Variants in C6orf58 observed in about 807,000 individuals in gnomAD.
C6orf58 encodes chromosome 6 open reading frame 58.
A neutral mutation model predicts 37.0 loss-of-function variants in C6orf58; 30 were observed. The ratio of observed to expected loss-of-function variants is 0.81; its 90% CI spans 0.61 to 1.10. The LOEUF is 1.10. Among genes scored for constraint, C6orf58 ranks in the 50% least tolerant of loss-of-function variants. The pLI, the probability that C6orf58 is intolerant of heterozygous loss-of-function variation, is 0.00. For synonymous variants in C6orf58, 143 were observed against 134.1 expected (o/e 1.07, Z -0.46); for missense variants, 368 against 387.5 (o/e 0.95, Z 0.42).
At chr6:127,579,205 C>G (rs1775022276) in intron 2 of C6orf58, among the ~76,000 whole-genome samples, 4 of 152,096 alleles carry the variant, frequency 2.6e-5, no homozygotes, top group Admixed American at 2.6e-4. Context: ...TACTGCAATT[C>G]ATTATACCAA....
rs1775165677 is a variant in C6orf58 at position 127,591,721 on chromosome 6, C to T, written c.*99C>T. 1.9e-6 allele frequency: 2 copies of T among 1,041,208 alleles called. No individual in the cohort carries two copies. Among genetic ancestry groups the T allele is most frequent in the African/African-American group, 3.3e-5 (2 of 60,002 alleles). 64.5% of individuals were successfully genotyped at this position (1,041,208 alleles called of 1,614,324 possible). The stretch of plus-strand genomic sequence containing the variant: ...TTCAAAAAATTAATGTCATCATGAC[C>T]ATGTAGTTTATTCTTTCTGATATTT... On this transcript the variant is annotated 3_prime_UTR_variant, in exon 6 of 6. Transcript: ENST00000329722.
chr6:127,590,722 T>A (rs1775153714), intron 5 of C6orf58, among the ~76,000 whole-genome samples: 1 of 152,122 alleles, frequency 6.6e-6, no homozygotes, highest in African/African-American at 2.4e-5. Context: ...CTGCCATGAT[T>A]AATGAAATTA....
At chr6:127,590,623 C>T (rs896012000) in intron 5 of C6orf58, among the ~76,000 whole-genome samples, 4 of 151,776 alleles carry the variant, frequency 2.6e-5, no homozygotes, top group Non-Finnish European at 5.9e-5. Context: ...GATATATATT[C>T]CTTATTTTGC....
chr6:127,586,339 G>GGAAAAAT (rs1775106123), intron 4 of C6orf58, among the ~76,000 whole-genome samples: 1 of 152,116 alleles, frequency 6.6e-6, no homozygotes. Flanking sequence ...AAAGGAAAAA[G>GGAAAAAT]GAAAAATAAT....
At chr6:127,588,432 A>G (rs1368019364) in intron 4 of C6orf58, among the ~76,000 whole-genome samples, 1 of 152,194 alleles carries the variant, frequency 6.6e-6, no homozygotes, top group African/African-American at 2.4e-5. Context: ...ATGCTGTGAA[A>G]CAACCCTAAA....
intron 4 of C6orf58, among the ~76,000 whole-genome samples, chr6:127,586,497 C>G (rs1376981281): frequency 6.6e-6 from 1 of 150,596 alleles, no homozygotes; most frequent in Non-Finnish European, 1.5e-5. Flanking sequence ...AGTGAGCATG[C>G]GGGCATGCTC....
At chr6:127,589,152 T>C (rs6926765) in intron 4 of C6orf58, among the ~76,000 whole-genome samples, 1,761 of 152,290 alleles carry the variant, frequency 0.012, 34 homozygotes, top group African/African-American at 0.04. Flanking sequence ...GATAATAGAA[T>C]ATAACTAGAG....
At chr6:127,583,464 A>G (rs1357422381) in intron 4 of C6orf58, among the ~76,000 whole-genome samples, 1 of 152,202 alleles carries the variant, frequency 6.6e-6, no homozygotes, top group Non-Finnish European at 1.5e-5. Flanking sequence ...GACTTTATTC[A>G]TGATCTTGGG....
intron 4 of C6orf58, among the ~76,000 whole-genome samples, chr6:127,587,647 C>T (rs984194381): frequency 6.6e-6 from 1 of 152,128 alleles, no homozygotes; most frequent in Non-Finnish European, 1.5e-5. Context: ...AGATGTTTTG[C>T]TTTGAAGTTC....
chr6:127,580,544 T>C lies in C6orf58; in HGVS notation c.573+95T>C, dbSNP rs1697824315. On this transcript the variant is annotated intron_variant, in intron 3 of 5. Transcript: ENST00000329722. ...TTTGTGCATTACATAATATTTTCCT[T>C]AGTATGCAGATGTAAATTGCTATGC... 3.2e-5 allele frequency: 28 copies of C among 885,066 alleles called. No individual in the cohort carries two copies. The South Asian group carries it at 4.6e-4, about 15-fold the overall frequency. The allele number at this position is 885,066 out of a possible 1,614,324, so 54.8% of individuals were successfully genotyped here.
rs771163070 is a variant in C6orf58, at chr6:127,590,232, A to G, written c.820A>G (p.Thr274Ala). The G allele has an allele frequency of 1.9e-6, 3 of 1,613,724 alleles. No homozygotes were observed. The highest frequency in any genetic ancestry group is 1.3e-5 in the African/African-American group (1 of 74,910). ...CATGCCACCACGAATTCTTCTTAATACTGATGTAGCCCCTTTCATCAGTGA... is the reference window on the plus strand; with the variant it reads ...CATGCCACCACGAATTCTTCTTAATGCTGATGTAGCCCCTTTCATCAGTGA... ...KGMPPRILLN[T>A]DVAPFISDFT... The change falls in exon 5 of 6, where the codon ACT becomes GCT. Residue 274 changes from threonine (T) to alanine (A), a missense_variant. Thr to Ala is a moderately conservative substitution (Grantham distance 58). Coordinates refer to ENST00000329722, the MANE Select transcript of C6orf58 (RefSeq NM_001010905.3).
chr6:127,584,716 G>A (rs1775089243), intron 4 of C6orf58, among the ~76,000 whole-genome samples: 1 of 151,224 alleles, frequency 6.6e-6, no homozygotes, highest in Non-Finnish European at 1.5e-5. Context: ...AGAGGTTGCA[G>A]TGAGCTGAGA....
At chr6:127,589,579 C>CT (rs34062457) in intron 4 of C6orf58, among the ~76,000 whole-genome samples, 2 of 152,054 alleles carry the variant, frequency 1.3e-5, no homozygotes, top group Non-Finnish European at 2.9e-5. Context: ...ATTACAGAGG[C>CT]TTTTTTTCTA....
intron 1 of C6orf58, 56 bp downstream of exon 1, chr6:127,577,542 T>C (rs1047614019): frequency 4.0e-6 from 6 of 1,490,914 alleles, no homozygotes; most frequent in Non-Finnish European, 4.7e-6. Flanking sequence ...TATGAAGTAT[T>C]TGGGAAATTG....
chr6:127,590,242 C>A lies in C6orf58; in HGVS notation c.830C>A (p.Ala277Asp), dbSNP rs200268132. The change falls in exon 5 of 6, where the codon GCC (alanine) becomes GAC (aspartate). Residue 277 changes from alanine to aspartate, a missense_variant. By Grantham distance (126) the Ala-to-Asp change is moderately radical (BLOSUM62 -2). Transcript: ENST00000329722. ...CGAATTCTTCTTAATACTGATGTAG[C>A]CCCTTTCATCAGTGACTTTACTGCT... ...PPRILLNTDV[A>D]PFISDFTAFQ... The A allele has an allele frequency of 1.7e-5, 27 of 1,613,250 alleles. No individual in the cohort carries two copies. The highest frequency in any genetic ancestry group is 2.2e-5 in the Non-Finnish European group (26 of 1,179,416).
chr6:127,584,484 T>A (rs1253156745), intron 4 of C6orf58, among the ~76,000 whole-genome samples: 1 of 152,184 alleles, frequency 6.6e-6, no homozygotes, highest in Non-Finnish European at 1.5e-5. Flanking sequence ...TATTTAACAT[T>A]GAATTTATAT....
At chr6:127,586,239 G>A (rs770361160) in intron 4 of C6orf58, among the ~76,000 whole-genome samples, 1 of 152,132 alleles carries the variant, frequency 6.6e-6, no homozygotes, top group African/African-American at 2.4e-5. Flanking sequence ...GGAAAAGTCA[G>A]GCACACAGAC....
At position 127,577,283 on chromosome 6, in the gene C6orf58, G is replaced by T; in HGVS notation, c.98G>T (p.Trp33Leu). ...CTCTCAGAGACAGAGCCCCCTCTGT[G>T]GAAGGAGAGTCCTGGTCAGCTCAGT... ...SNLSETEPPL[W>L]KESPGQLSDY... Residue 33 changes from tryptophan (W) to leucine (L), a missense_variant, in exon 1 of 6, where the codon TGG (tryptophan) becomes TTG (leucine). Coordinates refer to ENST00000329722, the MANE Select transcript of C6orf58 (RefSeq NM_001010905.3). The T allele has an allele frequency of 6.2e-7, 1 of 1,613,308 alleles. No homozygotes were observed. Among genetic ancestry groups the T allele is most frequent in the Non-Finnish European group, 8.5e-7 (1 of 1,179,384 alleles).
At chr6:127,581,783 T>C (rs1187393320) in intron 4 of C6orf58, among the ~76,000 whole-genome samples, 1 of 152,132 alleles carries the variant, frequency 6.6e-6, no homozygotes. Flanking sequence ...AACACCTTGA[T>C]TGGTTACAGC....
Sources: gnomAD v4.1 joint callset for allele counts (sites outside exome capture counted in the v4.1 genomes callset) on GRCh38, gnomAD v4.1.1 for gene constraint, MANE v1.5 for transcripts, NCBI Gene and HGNC (gene_info 2026-07-23, HGNC 2026-07-21) for gene names.